The following TRMT9B variants were observed in gnomAD, a reference collection of about 807,000 sequenced individuals.
TRMT9B encodes probable tRNA methyltransferase 9B.
In TRMT9B, 16 loss-of-function variants were observed where a neutral mutation model predicts 11.5. That is an observed-to-expected ratio of 1.39 (90% confidence interval 0.94 to 2.11). The LOEUF (loss-of-function observed/expected upper bound fraction) is 2.11. Among genes scored for constraint, TRMT9B ranks in the 30% most tolerant of loss-of-function variants. The probability of loss-of-function intolerance (pLI) is 0.00; values close to 1 mark genes in which losing one functional copy is unlikely to be tolerated. For synonymous variants in TRMT9B, 274 were observed against 192.4 expected, an observed-to-expected ratio of 1.42 and a Z score of -3.51; for missense variants, 941 against 553.8, an observed-to-expected ratio of 1.70 and a Z score of -7.02.
At chr8:12,953,928 T>A (rs1800963838) in intron 1 of TRMT9B, among the ~76,000 whole-genome samples, 1 of 152,246 alleles carries the variant, frequency 6.6e-6, no homozygotes, top group Non-Finnish European at 1.5e-5. Context: ...GAGCTCTGTA[T>A]ACACTCTTTT....
chr8:13,007,988 C>G (rs1310619875), intron 3 of TRMT9B, among the ~76,000 whole-genome samples: 1 of 152,158 alleles, frequency 6.6e-6, no homozygotes, highest in Non-Finnish European at 1.5e-5. Flanking sequence ...ATTCACAGTA[C>G]TTACATTTCA....
intron 3 of TRMT9B, chr8:13,012,266 C>G (rs1585366428): frequency 1.0e-6 from 1 of 986,888 alleles, no homozygotes; most frequent in East Asian, 1.1e-4. Flanking sequence ...TGTATTCTGT[C>G]TTGGTTAGTT....
intron 2 of TRMT9B, among the ~76,000 whole-genome samples, chr8:12,998,806 A>G (rs1476667424): frequency 1.3e-5 from 2 of 152,172 alleles, no homozygotes; most frequent in African/African-American, 2.4e-5. Context: ...TATTTTTACT[A>G]TTTGCCTCTG....
At chr8:12,951,594 TCCCCGGCTCCGCCGCGCGCCAGC>T in intron 1 of TRMT9B, 1 of 152,052 alleles carries the variant, frequency 6.6e-6, no homozygotes, top group East Asian at 2.0e-4. Context: ...GAGGCGACAG[TCCCCGGCTCCGCCGCGCGCCAGC>T]CCGCCTTCGC....
intron 1 of TRMT9B, among the ~76,000 whole-genome samples, chr8:12,963,560 G>A (rs1027961839): frequency 6.6e-6 from 1 of 152,142 alleles, no homozygotes; most frequent in African/African-American, 2.4e-5. Context: ...GGCCAGCCTG[G>A]GCAACATGGT....
intron 1 of TRMT9B, among the ~76,000 whole-genome samples, chr8:12,966,202 C>G (rs543271115): frequency 3.7e-4 from 57 of 152,044 alleles, no homozygotes; most frequent in African/African-American, 1.3e-3. Context: ...GCATGGTGAC[C>G]CATACCTCTG....
In TRMT9B at chr8:13,008,262, C is replaced by G. The variant is rs117217422; in HGVS notation, c.154+1906C>G. On this transcript the variant is annotated intron_variant, in intron 3 of 4. Coordinates refer to ENST00000524591, the MANE Select transcript of TRMT9B (RefSeq NM_020844.3). Reference sequence around the variant, plus strand: ...ATATATTTTGTCCATCAGAGACATCCCAGCCTTCTTATGTTCAGGAACACT... The same window carrying G: ...ATATATTTTGTCCATCAGAGACATCGCAGCCTTCTTATGTTCAGGAACACT... Among the ~76,000 whole-genome samples, 203 of 152,316 alleles carry G rather than the reference C, an allele frequency of 1.3e-3. 1 individual carries two copies. Among genetic ancestry groups the G allele is most frequent in the Non-Finnish European group, 2.5e-3 (167 of 68,032 alleles).
rs76292178 is a variant in TRMT9B at position 12,990,205 on chromosome 8, C to T, written c.-199-629C>T. On this transcript the variant is annotated intron_variant, in intron 1 of 4. Coordinates refer to ENST00000524591, the MANE Select transcript of TRMT9B (RefSeq NM_020844.3). ...GATTATGGTCCATTCACCCCACTTG[C>T]AGACAAGCAATTAGGGTCCAAGGTG... Among the ~76,000 whole-genome samples the T allele has an allele frequency of 4.8e-3, 738 of 152,282 alleles. 3 individuals carry two copies. Among genetic ancestry groups the T allele is most frequent in the African/African-American group, 0.017 (711 of 41,560 alleles).
intron 1 of TRMT9B, among the ~76,000 whole-genome samples, chr8:12,969,176 C>T (rs919058932): frequency 2.0e-5 from 3 of 152,154 alleles, no homozygotes; most frequent in Admixed American, 6.5e-5. Context: ...CACTGCACTC[C>T]AGCCTAGGCA....
At chr8:13,005,249 T>A (rs1052502124) in intron 2 of TRMT9B, among the ~76,000 whole-genome samples, 3 of 152,258 alleles carry the variant, frequency 2.0e-5, no homozygotes, top group African/African-American at 7.2e-5. Context: ...ATAATTGAAC[T>A]CATGGTTATA....
intron 4 of TRMT9B, among the ~76,000 whole-genome samples, chr8:13,014,003 T>A (rs950448795): frequency 1.3e-4 from 20 of 152,272 alleles, no homozygotes; most frequent in African/African-American, 4.8e-4. Context: ...CCAAGAAAGA[T>A]GATCTTTTAT....
intron 2 of TRMT9B, among the ~76,000 whole-genome samples, chr8:13,000,765 G>A (rs191884076): frequency 9.7e-4 from 148 of 152,298 alleles, no homozygotes; most frequent in African/African-American, 3.5e-3. Flanking sequence ...TATTTAAAGT[G>A]TAAAATAATC....
At chr8:12,990,779 G>A in intron 1 of TRMT9B, 55 bp from the exon 2 acceptor site, 2 of 1,158,704 alleles carry the variant, frequency 1.7e-6, no homozygotes, top group East Asian at 5.8e-5. Flanking sequence ...GCTGTAGCTG[G>A]CTCCATATAC....
chr8:12,979,735 A>T (rs185066135), intron 1 of TRMT9B, among the ~76,000 whole-genome samples: 143 of 152,290 alleles, frequency 9.4e-4, no homozygotes, highest in Non-Finnish European at 1.7e-3. Flanking sequence ...GAATCTTCAT[A>T]TTTATCTTGG....
chr8:13,019,218 A>G (rs1346082070), intron 4 of TRMT9B, among the ~76,000 whole-genome samples: 1 of 152,178 alleles, frequency 6.6e-6, no homozygotes, highest in East Asian at 1.9e-4. Context: ...CCCATAGAAG[A>G]CGCTCTAAAG....
intron 2 of TRMT9B, among the ~76,000 whole-genome samples, chr8:12,994,973 C>G (rs1159296432): frequency 2.0e-5 from 3 of 152,202 alleles, no homozygotes; most frequent in Non-Finnish European, 4.4e-5. Flanking sequence ...TGAGCCCCCG[C>G]GCCTGGCTGA....
At chr8:12,979,567 C>T (rs953943621) in intron 1 of TRMT9B, among the ~76,000 whole-genome samples, 2 of 152,188 alleles carry the variant, frequency 1.3e-5, no homozygotes, top group Non-Finnish European at 2.9e-5. Context: ...TCCTCATGCC[C>T]TTGGTAGCAT....
rs116287348 is a variant in TRMT9B at position 13,015,284 on chromosome 8, A to G, written c.328+2427A>G. On this transcript the variant is annotated intron_variant, in intron 4 of 4. Transcript: ENST00000524591. ...TTTAGATGTCTTGTTACATCTTGATATTTTATCATTTGTTGTCATTTAACT... is the reference window on the plus strand; with the variant it reads ...TTTAGATGTCTTGTTACATCTTGATGTTTTATCATTTGTTGTCATTTAACT... Among the ~76,000 whole-genome samples the G allele has an allele frequency of 5.5e-3, 836 of 151,034 alleles. 11 individuals carry two copies. The highest frequency in any genetic ancestry group is 0.019 in the African/African-American group (779 of 40,934).
intron 2 of TRMT9B, among the ~76,000 whole-genome samples, chr8:13,002,151 A>G (rs1519155): frequency 0.6 from 91,738 of 152,044 alleles, 28,977 homozygotes; most frequent in East Asian, 0.76. Context: ...GAGGCCATAG[A>G]AAACTTAGGG....
Sources: gnomAD v4.1 joint callset for allele counts (sites outside exome capture counted in the v4.1 genomes callset) on GRCh38, gnomAD v4.1.1 for gene constraint, MANE v1.5 for transcripts, NCBI Gene and HGNC (gene_info 2026-07-23, HGNC 2026-07-21) for gene names.